The following UTY variants were observed in gnomAD, a reference collection of about 807,000 sequenced individuals.
The protein encoded by UTY is ubiquitously transcribed tetratricopeptide repeat containing, Y-linked.
A neutral mutation model predicts 32.5 loss-of-function variants in UTY; 12 were observed. The ratio of observed to expected loss-of-function variants is 0.37; its 90% confidence interval spans 0.24 to 0.60. The LOEUF (loss-of-function observed/expected upper bound fraction) is 0.60. UTY is among the 20% of genes least tolerant of loss of function. UTY has a pLI of 0.69. For missense variants in UTY, 303 were observed against 299.2 expected (o/e 1.01, Z -0.09); for synonymous variants, 131 against 103.4 (o/e 1.27, Z -1.62).
chrY:13,301,014 T>A, intron 25 of UTY, among the ~76,000 whole-genome samples: 2 of 32,085 alleles, frequency 6.2e-5, no homozygotes, highest in African/African-American at 2.5e-4. Flanking sequence ...TGCCTCAGCC[T>A]CCCAAATAGC....
At chrY:13,431,524 C>T (rs939372322) in intron 4 of UTY, among the ~76,000 whole-genome samples, 18 of 32,629 alleles carry the variant, frequency 5.5e-4, no homozygotes, top group Admixed American at 4.7e-3. Context: ...TTCTGCAATA[C>T]TACAAAAAGA....
chrY:13,249,264 T>C lies in UTY; in HGVS notation c.*592A>G. ...TCTGTATCAAGTTTAGAAACAAAAA[T>C]CACAAATCTGAAGTTTATTTCTTTG... On this transcript the variant is annotated 3_prime_UTR_variant, in exon 30 of 30. Coordinates refer to ENST00000545955, the MANE Select transcript of UTY (RefSeq NM_001258249.2). 2 of 40,638 alleles carry C rather than the reference T, an allele frequency of 4.9e-5. No individual in the cohort carries two copies. The highest frequency in any genetic ancestry group is 1.1e-4 in the Non-Finnish European group (2 of 17,484). 10.1% of individuals were successfully genotyped at this position (40,638 alleles called of 400,897 possible). A position where few individuals can be genotyped will look rare whatever the true frequency, so the allele number is the denominator to read the frequency against.
At chrY:13,311,634 A>G in intron 21 of UTY, among the ~76,000 whole-genome samples, 1 of 31,425 alleles carries the variant, frequency 3.2e-5, no homozygotes, top group African/African-American at 1.3e-4. Flanking sequence ...AGGACTCCCT[A>G]TTCAACTAAC....
chrY:13,454,359 G>A (rs2076599599), intron 3 of UTY, among the ~76,000 whole-genome samples: 2 of 33,263 alleles, frequency 6.0e-5, no homozygotes, highest in African/African-American at 2.4e-4. Flanking sequence ...CATCCAAGAT[G>A]AACAGTAAAC....
downstream of UTY, among the ~76,000 whole-genome samples, chrY:13,233,895 T>A (rs760591673): frequency 2.1e-4 from 7 of 33,730 alleles, no homozygotes; most frequent in African/African-American, 8.1e-4. Flanking sequence ...AGAGGAAAAA[T>A]TTCAGTGACA....
chrY:13,441,994 C>T, intron 4 of UTY, among the ~76,000 whole-genome samples: 2 of 33,519 alleles, frequency 6.0e-5, no homozygotes, highest in African/African-American at 1.2e-4. Context: ...GGCCCAGCCA[C>T]CTGGGTGCAA....
At chrY:13,420,842 T>A in intron 4 of UTY, among the ~76,000 whole-genome samples, 1 of 33,223 alleles carries the variant, frequency 3.0e-5, no homozygotes, top group Non-Finnish European at 7.4e-5. Context: ...AATTTCATGA[T>A]AAATACACCA....
At chrY:13,370,082 A>C in intron 8 of UTY, among the ~76,000 whole-genome samples, 1 of 34,072 alleles carries the variant, frequency 2.9e-5, no homozygotes, top group Non-Finnish European at 7.3e-5. Context: ...TTCTAAGTAA[A>C]ACCATTTGCA....
At chrY:13,447,206 G>T (rs2075984744) in intron 4 of UTY, among the ~76,000 whole-genome samples, 1 of 32,738 alleles carries the variant, frequency 3.1e-5, no homozygotes. Flanking sequence ...TACCATTTAT[G>T]AGTGAGAACA....
At chrY:13,302,368 T>C (rs2058419869) in intron 25 of UTY, among the ~76,000 whole-genome samples, 1 of 33,784 alleles carries the variant, frequency 3.0e-5, no homozygotes, top group African/African-American at 1.2e-4. Context: ...TACATTAACA[T>C]AAAAAACAAT....
chrY:13,343,925 A>T (rs1013921921), intron 17 of UTY, among the ~76,000 whole-genome samples: 12 of 33,932 alleles, frequency 3.5e-4, no homozygotes, highest in South Asian at 6.5e-4. Context: ...GTCAAAAATA[A>T]AAGGGAAATA....
intron 27 of UTY, among the ~76,000 whole-genome samples, chrY:13,270,555 T>C: frequency 3.0e-5 from 1 of 32,795 alleles, no homozygotes; most frequent in Non-Finnish European, 7.5e-5. Context: ...GGGTGTCATC[T>C]CTCTTTTTCT....
intron 21 of UTY, among the ~76,000 whole-genome samples, chrY:13,312,645 G>C: frequency 6.3e-5 from 2 of 31,595 alleles, no homozygotes; most frequent in Non-Finnish European, 1.5e-4. Flanking sequence ...TGTAATACCA[G>C]CTACTCGGGA....
At position 13,323,573 on chromosome Y, in the gene UTY, G is replaced by A. The variant is rs2059978094; in HGVS notation, c.3258C>T (p.Ser1086=). ...AACTTACTCTCAATGATTCCTGGAA[G>A]GAGGAAGCCTGGTATTGTGCGTATT... is the stretch of plus-strand genomic sequence containing the variant. ...IAKYAQYQAS[S]FQESLREENE... The change falls in exon 21 of 30, where the codon TCC becomes TCT. Residue 1086 remains serine (S), a synonymous_variant. Coordinates refer to ENST00000545955, the MANE Select transcript of UTY (RefSeq NM_001258249.2). 1 of 394,860 alleles carries A rather than the reference G, an allele frequency of 2.5e-6. No individual in the cohort carries two copies. Among genetic ancestry groups the A allele is most frequent in the African/African-American group, 6.4e-5 (1 of 15,605 alleles).
chrY:13,339,695 G>C, intron 17 of UTY, among the ~76,000 whole-genome samples: 1 of 33,747 alleles, frequency 3.0e-5, no homozygotes, highest in Non-Finnish European at 7.3e-5. Flanking sequence ...AACACAGGGC[G>C]TGATGTGGTG....
At chrY:13,288,285 C>T in intron 27 of UTY, among the ~76,000 whole-genome samples, 1 of 23,935 alleles carries the variant, frequency 4.2e-5, no homozygotes, top group Non-Finnish European at 8.5e-5. Context: ...ATAATAGTAC[C>T]GCAAAAAAAA....
At chrY:13,325,481 A>G in intron 19 of UTY, among the ~76,000 whole-genome samples, 1 of 33,545 alleles carries the variant, frequency 3.0e-5, no homozygotes, top group Non-Finnish European at 7.4e-5. Context: ...AATACATAAA[A>G]ATTATTTTGA....
chrY:13,291,704 C>CATAAA (rs2057770490), intron 27 of UTY, among the ~76,000 whole-genome samples: 11 of 33,044 alleles, frequency 3.3e-4, no homozygotes, highest in East Asian at 7.7e-4. Context: ...CAAGAACTAA[C>CATAAA]ATAAAATAAA....
intron 17 of UTY, among the ~76,000 whole-genome samples, chrY:13,340,373 C>T: frequency 3.0e-5 from 1 of 32,872 alleles, no homozygotes; most frequent in Non-Finnish European, 7.5e-5. Context: ...AGTCCACCCC[C>T]CCATGCACCA....
Sources: gnomAD v4.1 joint callset for allele counts (sites outside exome capture counted in the v4.1 genomes callset) on GRCh38, gnomAD v4.1.1 for gene constraint, MANE v1.5 for transcripts, NCBI Gene and HGNC (gene_info 2026-07-23, HGNC 2026-07-21) for gene names.